Variants in R3HDM2 observed in about 807,000 individuals in gnomAD.
The protein encoded by R3HDM2 is R3H domain-containing protein 2.
R3HDM2 carries 38 observed loss-of-function variants against 124.5 expected under a neutral mutation model. That is an observed-to-expected ratio of 0.31 (90% CI 0.24 to 0.40). The LOEUF (loss-of-function observed/expected upper bound fraction) is 0.40, where lower values mean the gene tolerates loss of function less well. R3HDM2 is among the 10% of genes least tolerant of loss of function. R3HDM2 has a pLI of 1.00. For missense variants in R3HDM2, 869 were observed against 1,236.9 expected (o/e 0.70, Z 4.46); for synonymous variants, 391 against 448.0 (o/e 0.87, Z 1.61).
intron 2 of R3HDM2, among the ~76,000 whole-genome samples, chr12:57,346,254 C>T (rs576793887): frequency 6.6e-5 from 10 of 151,254 alleles, no homozygotes; most frequent in African/African-American, 2.2e-4. Context: ...GCTAGGAGTT[C>T]GAGACCAGCC....
Position 57,280,433 on chromosome 12 carries a change from CTGCTGCTGT to C in R3HDM2, c.1260_1268del (p.Gln425_Gln427del). ...GGAGAGCAGGAAGTTGCTGCTGCTG[CTGCTGCTGT>C]TGCTGCTGGGCAGTACAAGGGAGAA... On this transcript the variant is annotated inframe_deletion, in exon 14 of 24. Coordinates refer to ENST00000402412, the MANE Select transcript of R3HDM2 (RefSeq NM_001394031.1). 6.2e-7 allele frequency: 1 copy of C among 1,614,064 alleles called. No homozygotes were observed. Among genetic ancestry groups the C allele is most frequent in the Non-Finnish European group, 8.5e-7 (1 of 1,179,898 alleles).
intron 4 of R3HDM2, among the ~76,000 whole-genome samples, chr12:57,300,912 C>T (rs1016404245): frequency 3.3e-5 from 5 of 151,846 alleles, no homozygotes; most frequent in African/African-American, 9.7e-5. Flanking sequence ...ACAGTCTGGG[C>T]AACATAGTGA....
intron 2 of R3HDM2, among the ~76,000 whole-genome samples, chr12:57,313,634 C>A (rs1312600054): frequency 6.6e-6 from 1 of 151,622 alleles, no homozygotes; most frequent in Admixed American, 6.6e-5. Flanking sequence ...AATCTTAGCA[C>A]TTCAGAAGGC....
At chr12:57,419,921 C>G (rs142128941) in intron 1 of R3HDM2, among the ~76,000 whole-genome samples, 1 of 151,944 alleles carries the variant, frequency 6.6e-6, no homozygotes, top group Non-Finnish European at 1.5e-5. Context: ...TTCTCAAGGC[C>G]CCTATTCAAC....
intron 1 of R3HDM2, among the ~76,000 whole-genome samples, chr12:57,413,772 A>G (rs1159000918): frequency 6.6e-6 from 1 of 151,854 alleles, no homozygotes; most frequent in Non-Finnish European, 1.5e-5. Flanking sequence ...CAAAAAAAAC[A>G]AACTCAGGTT....
rs2070288723 is a variant in R3HDM2, at chr12:57,422,206, C to T, written c.-106+8514G>A. 2.0e-5 allele frequency among the ~76,000 whole-genome samples: 3 copies of T among 151,936 alleles called. No individual in the cohort carries two copies. The South Asian group carries it at 6.2e-4, about 32-fold the overall frequency. On this transcript the variant is annotated intron_variant, in intron 1 of 23. Transcript: ENST00000402412. ...TTATTGTGATCCTCCCTAAACTGGA[C>T]TCCCTAATTCCAGTCTATTTTCCAA...
chr12:57,267,183 GAC>G (rs1294671984), intron 18 of R3HDM2, among the ~76,000 whole-genome samples: 1 of 151,394 alleles, frequency 6.6e-6, no homozygotes, highest in Non-Finnish European at 1.5e-5. Flanking sequence ...GAGTGTCACA[GAC>G]ACAGACACAG....
chr12:57,290,519 A>G (rs148483853), intron 11 of R3HDM2, among the ~76,000 whole-genome samples: 1 of 152,368 alleles, frequency 6.6e-6, no homozygotes, highest in African/African-American at 2.4e-5. Flanking sequence ...AAACTACTTC[A>G]TAGGCCTAGT....
rs900640826 is a variant in R3HDM2, at chr12:57,254,543, A to T, written c.*230T>A. 11 of 447,956 alleles carry T rather than the reference A, an allele frequency of 2.5e-5. No individual in the cohort carries two copies. The highest frequency in any genetic ancestry group is 1.1e-4 in the African/African-American group (5 of 47,598). 27.7% of individuals were successfully genotyped at this position (447,956 alleles called of 1,614,324 possible). ...AAAAAAAGAAGAGGATGGGAAGAAG[A>T]GTGATGCAAGGGGGGTCAACCAGGG... On this transcript the variant is annotated 3_prime_UTR_variant, in exon 24 of 24. Transcript: ENST00000402412.
intron 2 of R3HDM2, among the ~76,000 whole-genome samples, chr12:57,321,207 T>C (rs78162602): frequency 0.05 from 7,664 of 152,264 alleles, 638 homozygotes; most frequent in African/African-American, 0.17. Flanking sequence ...ATTTCCAATT[T>C]TGGGTTTTGG....
At chr12:57,357,622 G>C (rs113986277) in intron 2 of R3HDM2, among the ~76,000 whole-genome samples, 1 of 148,958 alleles carries the variant, frequency 6.7e-6, no homozygotes, top group African/African-American at 2.5e-5. Context: ...CAATCTTAAA[G>C]AACTAGCTTG....
intron 2 of R3HDM2, among the ~76,000 whole-genome samples, chr12:57,312,928 C>CAAAAAAAAAA (rs57500144): frequency 2.0e-5 from 1 of 49,868 alleles, no homozygotes; most frequent in African/African-American, 6.8e-5. Context: ...GACTCTGGCT[C>CAAAAAAAAAA]AAAAAAAAAA....
intron 2 of R3HDM2, among the ~76,000 whole-genome samples, chr12:57,338,707 T>C (rs1233844669): frequency 2.6e-5 from 4 of 152,136 alleles, no homozygotes; most frequent in Non-Finnish European, 4.4e-5. Flanking sequence ...CTGATGTTCA[T>C]TTTAAAAACT....
intron 2 of R3HDM2, among the ~76,000 whole-genome samples, chr12:57,346,174 A>T (rs2137094096): frequency 1.5e-5 from 2 of 137,220 alleles, no homozygotes; most frequent in East Asian, 4.5e-4. Flanking sequence ...AAAAAAAAAA[A>T]GGCCTGGAGC....
chr12:57,397,968 G>A (rs935634017), intron 1 of R3HDM2, among the ~76,000 whole-genome samples: 8 of 152,174 alleles, frequency 5.3e-5, no homozygotes, highest in Non-Finnish European at 1.2e-4. Context: ...CGAATCACGA[G>A]CTCAGGAGTT....
Position 57,269,962 on chromosome 12 carries a change from C to T in R3HDM2, c.1377G>A (p.Met459Ile). ...CAGTAGAACCTTGGCGACTAAGGCT[C>T]ATTTGTCCAAAGGGGTTGCTGAGGT... is the stretch of plus-strand genomic sequence containing the variant. ...ADDLSNPFGQ[M>I]SLSRQGSTEA... is the part of the protein sequence containing the mutation. The change falls in exon 15 of 24, where the codon ATG becomes ATA. Residue 459 changes from methionine to isoleucine, a missense_variant. Physicochemically the swap from Met to Ile is conservative, Grantham distance 10 (BLOSUM62 1). Around this residue, in one of 2 missense-constraint regions of R3HDM2, gnomAD observed 602 missense variants for 789.2 expected, o/e 0.76. Coordinates refer to ENST00000402412, the MANE Select transcript of R3HDM2 (RefSeq NM_001394031.1). 6.2e-7 allele frequency: 1 copy of T among 1,614,208 alleles called. No individual in the cohort carries two copies. Among genetic ancestry groups the T allele is most frequent in the East Asian group, 2.2e-5 (1 of 44,888 alleles).
intron 17 of R3HDM2, 106 bp from the exon 18 acceptor site, chr12:57,268,563 C>G: frequency 1.7e-6 from 2 of 1,155,284 alleles, no homozygotes; most frequent in African/African-American, 3.0e-5. Context: ...TCCTTCCCTA[C>G]CTTAGATCCT....
chr12:57,354,216 T>C (rs1415875681), intron 2 of R3HDM2, among the ~76,000 whole-genome samples: 1 of 152,084 alleles, frequency 6.6e-6, no homozygotes, highest in East Asian at 1.9e-4. Context: ...CCATCTTTCT[T>C]ATCAGTAACA....
At chr12:57,390,377 G>C (rs900604504) in intron 2 of R3HDM2, among the ~76,000 whole-genome samples, 1 of 152,050 alleles carries the variant, frequency 6.6e-6, no homozygotes, top group African/African-American at 2.4e-5. Context: ...AACAAGGGCA[G>C]AGTCCAGCAT....
Sources: allele counts gnomAD v4.1 joint callset (sites outside exome capture counted in the v4.1 genomes callset), GRCh38; gene constraint gnomAD v4.1.1; regional missense constraint gnomAD v4.1.1; transcripts MANE v1.5; gene names NCBI Gene and HGNC (gene_info 2026-07-23, HGNC 2026-07-21).